Variants in JAZF1 observed in about 807,000 individuals in gnomAD.
The protein encoded by JAZF1 is juxtaposed with another zinc finger protein 1.
JAZF1 carries 8 observed loss-of-function variants against 26.4 expected under a neutral mutation model. The observed-to-expected ratio is 0.30, with a 90% CI of 0.18 to 0.55. The LOEUF (loss-of-function observed/expected upper bound fraction) is 0.55, where lower values mean the gene tolerates loss of function less well. JAZF1 is among the 20% of genes least tolerant of loss of function. The pLI is 0.94. For synonymous variants in JAZF1, 126 were observed against 122.3 expected (o/e 1.03, Z -0.20); for missense variants, 199 against 322.0 (o/e 0.62, Z 2.92).
chr7:27,931,580 T>A (rs766639317), intron 2 of JAZF1, among the ~76,000 whole-genome samples: 14 of 152,166 alleles, frequency 9.2e-5, no homozygotes, highest in Non-Finnish European at 1.5e-4. Context: ...TTTGGGAGGC[T>A]GAGGCAGGCA....
intron 1 of JAZF1, among the ~76,000 whole-genome samples, chr7:27,995,205 G>A (rs901765925): frequency 3.9e-5 from 6 of 152,138 alleles, no homozygotes; most frequent in Non-Finnish European, 5.9e-5. Flanking sequence ...TTATGGTGCC[G>A]ATAAAAATCT....
rs532285988 is a variant in JAZF1 at position 27,939,999 on chromosome 7, A to T, written c.189-44583T>A. Among the ~76,000 whole-genome samples the T allele has an allele frequency of 9.0e-4, 137 of 152,278 alleles. 1 individual carries two copies. The highest frequency in any genetic ancestry group is 1.6e-3 in the Non-Finnish European group (111 of 68,026). ...CCAGTGAGGAGGGTTCTGAGGACTG[A>T]GGCAGGCAGCAGGGCCAGACTGCAG... On this transcript the variant is annotated intron_variant, in intron 2 of 4. Transcript: ENST00000283928.
chr7:28,128,290 G>T (rs146638952), intron 1 of JAZF1, among the ~76,000 whole-genome samples: 11 of 152,266 alleles, frequency 7.2e-5, no homozygotes, highest in African/African-American at 2.6e-4. Flanking sequence ...ATGGAAGGCC[G>T]AGGCAGGTGG....
At chr7:28,011,519 G>T (rs1319463613) in intron 1 of JAZF1, among the ~76,000 whole-genome samples, 5 of 152,164 alleles carry the variant, frequency 3.3e-5, no homozygotes, top group Non-Finnish European at 5.9e-5. Context: ...AGGAAGAAAG[G>T]TGTCATGATG....
intron 1 of JAZF1, among the ~76,000 whole-genome samples, chr7:28,070,994 A>C (rs1374492197): frequency 6.6e-6 from 1 of 152,232 alleles, no homozygotes; most frequent in Non-Finnish European, 1.5e-5. Flanking sequence ...GAATACCTTC[A>C]TGGGAACAGG....
At chr7:27,833,562 C>T (rs1455539766) in intron 4 of JAZF1, among the ~76,000 whole-genome samples, 1 of 152,048 alleles carries the variant, frequency 6.6e-6, no homozygotes, top group Non-Finnish European at 1.5e-5. Flanking sequence ...ACTTGTTGCC[C>T]AAATCTTGTC....
At position 27,899,512 on chromosome 7, in the gene JAZF1, G is replaced by A. The variant is rs181478153; in HGVS notation, c.189-4096C>T. Among the ~76,000 whole-genome samples, 177 of 152,180 alleles carry A rather than the reference G, an allele frequency of 1.2e-3. 4 individuals carry two copies. The highest frequency in any genetic ancestry group is 8.4e-3 in the Admixed American group (128 of 15,294). On this transcript the variant is annotated intron_variant, in intron 2 of 4. Transcript: ENST00000283928. The stretch of plus-strand genomic sequence containing the variant: ...TGCAGTGGTGTGATTACAGTGCACC[G>A]AAGCACCAACCTCCTGGGCTCAAGC...
intron 2 of JAZF1, among the ~76,000 whole-genome samples, chr7:27,970,948 G>A (rs1457267678): frequency 6.6e-6 from 1 of 152,062 alleles, no homozygotes; most frequent in Non-Finnish European, 1.5e-5. Flanking sequence ...ATTTCTTTAG[G>A]TGTTAAAGAG....
intron 1 of JAZF1, among the ~76,000 whole-genome samples, chr7:28,017,330 G>A (rs7811951): frequency 0.5 from 73,641 of 146,016 alleles, 21,013 homozygotes; most frequent in Non-Finnish European, 0.66. Flanking sequence ...CAGCCTAGGC[G>A]ACAGTGAGAC....
intron 3 of JAZF1, among the ~76,000 whole-genome samples, chr7:27,876,725 C>T (rs189536106): frequency 7.2e-5 from 11 of 152,212 alleles, no homozygotes; most frequent in South Asian, 6.2e-4. Context: ...AGGTATAAAA[C>T]GCAAGGTGAT....
chr7:27,844,945 C>T (rs1782990156), intron 3 of JAZF1, among the ~76,000 whole-genome samples: 1 of 152,092 alleles, frequency 6.6e-6, no homozygotes, highest in Non-Finnish European at 1.5e-5. Flanking sequence ...AGTTGGTGGT[C>T]GTTAGGTCCT....
intron 2 of JAZF1, among the ~76,000 whole-genome samples, chr7:27,921,034 C>T (rs1436615832): frequency 2.0e-5 from 3 of 152,146 alleles, no homozygotes; most frequent in Non-Finnish European, 4.4e-5. Context: ...TGTGTGTAAG[C>T]GCTTTATAAA....
At chr7:28,011,475 C>T (rs1195694430) in intron 1 of JAZF1, among the ~76,000 whole-genome samples, 1 of 152,278 alleles carries the variant, frequency 6.6e-6, no homozygotes, top group Non-Finnish European at 1.5e-5. Context: ...ACATGACAAA[C>T]GTCAGCTTCT....
chr7:28,069,292 T>C (rs1184044353), intron 1 of JAZF1, among the ~76,000 whole-genome samples: 1 of 152,212 alleles, frequency 6.6e-6, no homozygotes, highest in Non-Finnish European at 1.5e-5. Context: ...GTTTTCACAA[T>C]GAGACTCATG....
chr7:27,980,738 T>G (rs1292109997), intron 2 of JAZF1, among the ~76,000 whole-genome samples: 1 of 147,660 alleles, frequency 6.8e-6, no homozygotes, highest in Non-Finnish European at 1.5e-5. Context: ...AACATCATTT[T>G]TTTTAAAAGC....
intron 3 of JAZF1, among the ~76,000 whole-genome samples, chr7:27,858,086 A>G (rs1783304595): frequency 6.6e-6 from 1 of 152,206 alleles, no homozygotes; most frequent in Non-Finnish European, 1.5e-5. Context: ...AATCACAAGC[A>G]TTCCTATACA....
intron 3 of JAZF1, chr7:27,864,215 C>T (rs899853888): frequency 2.6e-5 from 4 of 152,222 alleles, no homozygotes; most frequent in South Asian, 2.1e-4. Flanking sequence ...CCATGGCCCG[C>T]GATTTAATTT....
At chr7:28,092,358 T>C (rs1214150564) in intron 1 of JAZF1, among the ~76,000 whole-genome samples, 1 of 43,632 alleles carries the variant, frequency 2.3e-5, no homozygotes, top group African/African-American at 9.1e-5. Flanking sequence ...AAGAAGGAAA[T>C]AAAAAGATCT....
intron 2 of JAZF1, among the ~76,000 whole-genome samples, chr7:27,958,410 G>C (rs1785135524): frequency 6.6e-6 from 1 of 152,146 alleles, no homozygotes; most frequent in South Asian, 2.1e-4. Flanking sequence ...TAAGTTAAGG[G>C]GAAAGGAGGA....
Sources: allele counts gnomAD v4.1 joint callset (sites outside exome capture counted in the v4.1 genomes callset), GRCh38; gene constraint gnomAD v4.1.1; transcripts MANE v1.5; gene names NCBI Gene and HGNC (gene_info 2026-07-23, HGNC 2026-07-21).